The following RANBP10 variants were observed in gnomAD, a reference collection of about 807,000 sequenced individuals.
The protein encoded by RANBP10 is ran-binding protein 10.
A neutral mutation model predicts 72.8 loss-of-function variants in RANBP10; 24 were observed. The ratio of observed to expected loss-of-function variants is 0.33; its 90% CI spans 0.24 to 0.46. The LOEUF (loss-of-function observed/expected upper bound fraction) is 0.46, where lower values mean the gene tolerates loss of function less well. Among genes scored for constraint, RANBP10 ranks in the 20% least tolerant of loss-of-function variants. RANBP10 has a pLI of 1.00. For missense variants in RANBP10, 679 were observed against 817.5 expected (o/e 0.83, Z 2.07); for synonymous variants, 310 against 322.3 (o/e 0.96, Z 0.41).
In RANBP10 at chr16:67,727,837, T is replaced by C; in HGVS notation, c.1534A>G (p.Ile512Val). The part of the protein sequence containing the change: ...GGNQAATERI[I>V]LFGRELQALS... ...GCCTGCAACTCGCGGCCAAACAGAA[T>C]GATCCTTTCTGTGGCAGCCTGGTTG... Residue 512 changes from isoleucine to valine, a missense_variant, in exon 12 of 14, where the codon ATT (isoleucine) becomes GTT (valine). Coordinates refer to ENST00000317506, the MANE Select transcript of RANBP10 (RefSeq NM_020850.3). 6.2e-7 allele frequency: 1 copy of C among 1,614,146 alleles called. No homozygotes were observed. The highest frequency in any genetic ancestry group is 2.2e-5 in the East Asian group (1 of 44,878).
At chr16:67,793,835 C>A (rs1226440457) in intron 2 of RANBP10, among the ~76,000 whole-genome samples, 2 of 151,892 alleles carry the variant, frequency 1.3e-5, no homozygotes, top group Non-Finnish European at 2.9e-5. Context: ...TTTAAACCTG[C>A]ATCTCTCTAT....
intron 2 of RANBP10, among the ~76,000 whole-genome samples, chr16:67,782,813 C>CGCTTTT (rs2054838604): frequency 1.3e-5 from 2 of 152,318 alleles, no homozygotes; most frequent in South Asian, 2.1e-4. Flanking sequence ...TCTTAAAAGC[C>CGCTTTT]ACTTTTAAGA....
intron 3 of RANBP10, among the ~76,000 whole-genome samples, chr16:67,754,403 T>C (rs951124841): frequency 1.5e-4 from 23 of 152,152 alleles, no homozygotes; most frequent in African/African-American, 4.8e-4. Context: ...CATACAATGG[T>C]TTTCTGTTTT....
chr16:67,770,943 C>A (rs1333649256), intron 3 of RANBP10, among the ~76,000 whole-genome samples: 1 of 151,812 alleles, frequency 6.6e-6, no homozygotes, highest in African/African-American at 2.4e-5. Context: ...AAAAGCGAGA[C>A]CCTGTCTCAA....
chr16:67,739,111 C>G (rs1239364543), intron 4 of RANBP10: 1 of 152,154 alleles, frequency 6.6e-6, no homozygotes, highest in Non-Finnish European at 1.5e-5. Flanking sequence ...AGGCACATAC[C>G]ACCATGCCCG....
intron 2 of RANBP10, among the ~76,000 whole-genome samples, chr16:67,791,146 T>C (rs2055018638): frequency 6.6e-6 from 1 of 151,944 alleles, no homozygotes; most frequent in South Asian, 2.1e-4. Flanking sequence ...CCCAAGTAGC[T>C]GGGACTGTAG....
chr16:67,741,028 G>T (rs183758359), intron 4 of RANBP10, among the ~76,000 whole-genome samples: 2 of 152,268 alleles, frequency 1.3e-5, no homozygotes, highest in Admixed American at 6.5e-5. Flanking sequence ...CTGGAAAAAG[G>T]GAGTCCAAGC....
At chr16:67,793,182 C>T (rs1431637207) in intron 2 of RANBP10, among the ~76,000 whole-genome samples, 1 of 152,070 alleles carries the variant, frequency 6.6e-6, no homozygotes, top group East Asian at 1.9e-4. Flanking sequence ...TGTGTAATTA[C>T]GGAGCTGAAG....
chr16:67,772,677 C>T (rs747471703), intron 2 of RANBP10, among the ~76,000 whole-genome samples: 1 of 152,158 alleles, frequency 6.6e-6, no homozygotes, highest in African/African-American at 2.4e-5. Context: ...CCCCCAGAGA[C>T]CCCCTCACTC....
chr16:67,785,526 G>A (rs182350218), intron 2 of RANBP10, among the ~76,000 whole-genome samples: 66 of 151,970 alleles, frequency 4.3e-4, no homozygotes, highest in Non-Finnish European at 8.1e-4. Context: ...TCAGGTGTTC[G>A]AGACCAGCCT....
At chr16:67,771,629 G>A (rs1382799680) in intron 3 of RANBP10, among the ~76,000 whole-genome samples, 49 of 152,120 alleles carry the variant, frequency 3.2e-4, no homozygotes, top group Admixed American at 3.0e-3. Flanking sequence ...GGCGTGAGCC[G>A]CTGTGCCCGG....
At chr16:67,737,911 G>C in intron 5 of RANBP10, 102 bp downstream of exon 5, 1 of 1,434,660 alleles carries the variant, frequency 7.0e-7, no homozygotes, top group Non-Finnish European at 9.6e-7. Context: ...CCTGGTTGGG[G>C]AAAGAACCAG....
intron 4 of RANBP10, among the ~76,000 whole-genome samples, chr16:67,743,846 G>C (rs564273992): frequency 6.6e-6 from 1 of 152,262 alleles, no homozygotes; most frequent in African/African-American, 2.4e-5. Context: ...CCAGAGGTCT[G>C]GCCCTATCTG....
chr16:67,728,355 C>T (rs779857305), intron 11 of RANBP10, 35 bp downstream of exon 11: 6 of 1,607,930 alleles, frequency 3.7e-6, no homozygotes, highest in Non-Finnish European at 3.4e-6. Context: ...TGCACACTGC[C>T]CTCAAAGAAT....
intron 2 of RANBP10, among the ~76,000 whole-genome samples, chr16:67,773,737 A>G (rs2054648166): frequency 6.6e-6 from 1 of 152,232 alleles, no homozygotes; most frequent in South Asian, 2.1e-4. Context: ...CAAAAGGAAC[A>G]GCACTTCAAA....
chr16:67,780,051 G>C (rs1008020148), intron 2 of RANBP10, among the ~76,000 whole-genome samples: 1 of 152,106 alleles, frequency 6.6e-6, no homozygotes, highest in Non-Finnish European at 1.5e-5. Flanking sequence ...GGCCAACATA[G>C]TGAAACCCCA....
At chr16:67,801,193 G>C (rs893224522) in intron 2 of RANBP10, among the ~76,000 whole-genome samples, 3 of 152,118 alleles carry the variant, frequency 2.0e-5, no homozygotes, top group African/African-American at 7.2e-5. Flanking sequence ...CAAATCTACA[G>C]AAAAGCAAGT....
rs762959498 is a variant in RANBP10 at position 67,734,843 on chromosome 16, G to C, written c.776+15C>G. 1.2e-5 allele frequency: 19 copies of C among 1,564,078 alleles called. No homozygotes were observed. The Admixed American group carries it at 2.4e-4, about 20-fold the overall frequency. ...GTGGGGTGGGAGTGGGTAAGGGCAGGAGCAGGGCACTCACTTCTGCAGCAC... is the reference window on the plus strand; with the variant it reads ...GTGGGGTGGGAGTGGGTAAGGGCAGCAGCAGGGCACTCACTTCTGCAGCAC... On this transcript the variant is annotated intron_variant, in intron 6 of 13. Transcript: ENST00000317506.
chr16:67,802,499 G>A (rs939276891), intron 2 of RANBP10, among the ~76,000 whole-genome samples: 5 of 152,148 alleles, frequency 3.3e-5, no homozygotes, highest in African/African-American at 4.8e-5. Context: ...TTAGCCAGGC[G>A]TGGTGGCGTA....
Sources: allele counts gnomAD v4.1 joint callset (sites outside exome capture counted in the v4.1 genomes callset), GRCh38; gene constraint gnomAD v4.1.1; transcripts MANE v1.5; gene names NCBI Gene and HGNC (gene_info 2026-07-23, HGNC 2026-07-21).